The following SCAPER variants were observed in gnomAD, a reference collection of about 807,000 sequenced individuals.
SCAPER encodes the protein S phase cyclin A-associated protein in the endoplasmic reticulum.
In SCAPER, 98 loss-of-function variants were observed where a neutral mutation model predicts 182.2. That is an observed-to-expected ratio of 0.54 (90% CI 0.46 to 0.64). The LOEUF (loss-of-function observed/expected upper bound fraction) is 0.64. SCAPER is among the 30% of genes least tolerant of loss of function. The probability of loss-of-function intolerance (pLI) is 0.00; values close to 1 mark genes in which losing one functional copy is unlikely to be tolerated. For synonymous variants in SCAPER, 605 were observed against 564.6 expected, an observed-to-expected ratio of 1.07 and a Z score of -1.01; for missense variants, 1,432 against 1,690.0, an observed-to-expected ratio of 0.85 and a Z score of 2.68.
intron 23 of SCAPER, among the ~76,000 whole-genome samples, chr15:76,516,153 A>AG (rs1480038322): frequency 6.6e-6 from 1 of 151,436 alleles, no homozygotes; most frequent in African/African-American, 2.4e-5. Context: ...TAGGGAAAGT[A>AG]GTGACCCAGA....
rs536908638 is a variant in SCAPER, at chr15:76,716,288, AC to A, written c.2166-10305del. Reference sequence around the variant, plus strand: ...CCACTGTGTCCTACACCCAAGCGGTACCCTCAGGCCCATCTTCAAGTGAAAG... The same window carrying A: ...CCACTGTGTCCTACACCCAAGCGGTACCTCAGGCCCATCTTCAAGTGAAAG... On this transcript the variant is annotated intron_variant, in intron 17 of 31. Coordinates refer to ENST00000563290, the MANE Select transcript of SCAPER (RefSeq NM_020843.4). 3.2e-3 allele frequency among the ~76,000 whole-genome samples: 483 copies of A among 152,248 alleles called. 5 individuals carry two copies. Among genetic ancestry groups the A allele is most frequent in the African/African-American group, 0.011 (461 of 41,552 alleles).
chr15:76,449,625 A>C (rs2048236468), intron 25 of SCAPER, among the ~76,000 whole-genome samples: 1 of 152,220 alleles, frequency 6.6e-6, no homozygotes, highest in Non-Finnish European at 1.5e-5. Flanking sequence ...AAGTGGGTAC[A>C]AGGTTGCTTA....
chr15:76,651,450 G>A (rs555484450), intron 21 of SCAPER, among the ~76,000 whole-genome samples: 2 of 151,978 alleles, frequency 1.3e-5, no homozygotes, highest in South Asian at 2.1e-4. Context: ...CTAGTACTGC[G>A]TGGAATAGGA....
intron 23 of SCAPER, among the ~76,000 whole-genome samples, chr15:76,528,619 G>A (rs937452596): frequency 2.0e-5 from 3 of 152,076 alleles, no homozygotes; most frequent in Non-Finnish European, 4.4e-5. Context: ...AATCCCTATC[G>A]TCAGCTTACT....
intron 25 of SCAPER, among the ~76,000 whole-genome samples, chr15:76,459,847 T>A (rs972942985): frequency 6.6e-6 from 1 of 152,146 alleles, no homozygotes; most frequent in African/African-American, 2.4e-5. Flanking sequence ...TTGATTTTTG[T>A]AATGGTGAGA....
intron 26 of SCAPER, among the ~76,000 whole-genome samples, chr15:76,416,016 A>G (rs2045619837): frequency 6.6e-6 from 1 of 152,206 alleles, no homozygotes. Flanking sequence ...AGCATTTGCA[A>G]TATTAAGATG....
chr15:76,474,365 G>T (rs577490218), intron 24 of SCAPER, among the ~76,000 whole-genome samples: 3 of 152,284 alleles, frequency 2.0e-5, no homozygotes, highest in Admixed American at 2.0e-4. Context: ...ATGGTGAAGA[G>T]AGACCTTGTT....
chr15:76,700,061 C>T (rs1598242006), intron 20 of SCAPER, among the ~76,000 whole-genome samples: 2 of 152,140 alleles, frequency 1.3e-5, no homozygotes, highest in East Asian at 3.9e-4. Flanking sequence ...TGGCAGCCAC[C>T]TGGAAGCACC....
intron 24 of SCAPER, among the ~76,000 whole-genome samples, chr15:76,485,256 C>A (rs565787800): frequency 6.6e-6 from 1 of 152,124 alleles, no homozygotes; most frequent in East Asian, 1.9e-4. Context: ...AAGCTAAGAG[C>A]CAAATCAGGA....
chr15:76,537,370 A>T (rs1264075341), intron 23 of SCAPER, among the ~76,000 whole-genome samples: 1 of 152,188 alleles, frequency 6.6e-6, no homozygotes, highest in Admixed American at 6.5e-5. Flanking sequence ...CAAAACAGAG[A>T]TACAGATCAA....
intron 24 of SCAPER, among the ~76,000 whole-genome samples, chr15:76,489,406 T>A (rs2052051670): frequency 6.6e-6 from 1 of 151,580 alleles, no homozygotes; most frequent in South Asian, 2.1e-4. Context: ...ATACAGTAGA[T>A]CTACCACCTC....
At chr15:76,721,993 C>T (rs2060273903) in intron 17 of SCAPER, among the ~76,000 whole-genome samples, 1 of 152,134 alleles carries the variant, frequency 6.6e-6, no homozygotes, top group African/African-American at 2.4e-5. Context: ...GAGGGCATCC[C>T]TGTCTTGTGC....
At chr15:76,739,079 G>A (rs951526944) in intron 15 of SCAPER, among the ~76,000 whole-genome samples, 9 of 152,020 alleles carry the variant, frequency 5.9e-5, no homozygotes, top group Admixed American at 4.6e-4. Context: ...CATTGTATTA[G>A]GTATAAGTAA....
intron 27 of SCAPER, among the ~76,000 whole-genome samples, chr15:76,382,835 G>C (rs984895098): frequency 8.5e-5 from 13 of 152,220 alleles, no homozygotes; most frequent in African/African-American, 2.6e-4. Context: ...TAGATGTAAG[G>C]TCTGGAGTTG....
chr15:76,719,475 G>A (rs1210771397), intron 17 of SCAPER, among the ~76,000 whole-genome samples: 2 of 152,116 alleles, frequency 1.3e-5, no homozygotes, highest in East Asian at 1.9e-4. Context: ...GAGATCTAAT[G>A]TACAACAGGA....
At chr15:76,875,300 C>T (rs893744805) in intron 2 of SCAPER, among the ~76,000 whole-genome samples, 2 of 152,132 alleles carry the variant, frequency 1.3e-5, no homozygotes, top group Non-Finnish European at 2.9e-5. Flanking sequence ...AATTTAATGT[C>T]TTTTAAGAGA....
chr15:76,761,424 T>TATTTATTACAAAAC (rs1334404283), intron 14 of SCAPER, among the ~76,000 whole-genome samples: 1 of 152,200 alleles, frequency 6.6e-6, no homozygotes, highest in East Asian at 1.9e-4. Context: ...AAAACTAGTG[T>TATTTATTACAAAAC]AGGCATTTAT....
chr15:76,829,856 T>C (rs2068302650), intron 5 of SCAPER, among the ~76,000 whole-genome samples: 1 of 152,100 alleles, frequency 6.6e-6, no homozygotes, highest in African/African-American at 2.4e-5. Context: ...GGGTAAACAA[T>C]ACAGTGTTGT....
At chr15:76,646,303 C>T (rs2054543220) in intron 21 of SCAPER, among the ~76,000 whole-genome samples, 1 of 152,010 alleles carries the variant, frequency 6.6e-6, no homozygotes, top group African/African-American at 2.4e-5. Flanking sequence ...CTCTCTCTGC[C>T]CCATTTCAGA....
Sources: gnomAD v4.1 joint callset for allele counts (sites outside exome capture counted in the v4.1 genomes callset) on GRCh38, gnomAD v4.1.1 for gene constraint, MANE v1.5 for transcripts, NCBI Gene and HGNC (gene_info 2026-07-23, HGNC 2026-07-21) for gene names.